The following PLXDC2 variants were observed in gnomAD, a reference collection of about 807,000 sequenced individuals.
PLXDC2 encodes the protein plexin domain-containing protein 2.
PLXDC2 carries 40 observed loss-of-function variants against 68.9 expected under a neutral mutation model. The ratio of observed to expected loss-of-function variants is 0.58; its 90% CI spans 0.45 to 0.76. The LOEUF is 0.76. PLXDC2 is among the 30% of genes least tolerant of loss of function. PLXDC2 has a pLI of 0.00. For missense variants in PLXDC2, 644 were observed against 661.9 expected, an observed-to-expected ratio of 0.97 and a Z score of 0.30; for synonymous variants, 243 against 234.2, an observed-to-expected ratio of 1.04 and a Z score of -0.34.
chr10:20,245,844 A>T (rs1327253788), intron 13 of PLXDC2, among the ~76,000 whole-genome samples: 1 of 152,184 alleles, frequency 6.6e-6, no homozygotes, highest in African/African-American at 2.4e-5. Context: ...AATACTACGT[A>T]TCTGGGGGGC....
In PLXDC2 at chr10:20,053,603, G is replaced by A. The variant is rs113130379; in HGVS notation, c.471+6588G>A. 1.3e-3 allele frequency among the ~76,000 whole-genome samples: 198 copies of A among 152,006 alleles called. 1 individual carries two copies. The highest frequency in any genetic ancestry group is 4.4e-3 in the African/African-American group (183 of 41,472). On this transcript the variant is annotated intron_variant, in intron 3 of 13. Transcript: ENST00000377252. ...TTGTGATTTTCCTCTATATTTCTACGTCCATGTTATTTAATTTATTTCTGG... is the reference window on the plus strand; with the variant it reads ...TTGTGATTTTCCTCTATATTTCTACATCCATGTTATTTAATTTATTTCTGG...
chr10:19,878,111 A>G (rs1232499660), intron 1 of PLXDC2, among the ~76,000 whole-genome samples: 1 of 152,226 alleles, frequency 6.6e-6, no homozygotes, highest in Non-Finnish European at 1.5e-5. Flanking sequence ...CTATAAATGT[A>G]CTTTTTACAA....
In PLXDC2 at chr10:20,081,493, A is replaced by G. The variant is rs1250026292; in HGVS notation, c.541+13254A>G. ...ATAATAAAAGTTGTAACCTCCATGTACTTAATTGGAATATCAGAAGAGAAG... is the reference window on the plus strand; with the variant it reads ...ATAATAAAAGTTGTAACCTCCATGTGCTTAATTGGAATATCAGAAGAGAAG... On this transcript the variant is annotated intron_variant, in intron 4 of 13. Transcript: ENST00000377252. 3.3e-5 allele frequency among the ~76,000 whole-genome samples: 5 copies of G among 152,188 alleles called. No homozygotes were observed. In the East Asian group the frequency reaches 7.7e-4, roughly 23 times the overall value.
chr10:20,123,369 C>A (rs1413741791), intron 4 of PLXDC2, among the ~76,000 whole-genome samples: 2 of 152,008 alleles, frequency 1.3e-5, no homozygotes, highest in South Asian at 2.1e-4. Flanking sequence ...TAGAGAGGGA[C>A]CGATGTGTAA....
At chr10:19,851,182 C>T (rs1484023030) in intron 1 of PLXDC2, among the ~76,000 whole-genome samples, 2 of 152,162 alleles carry the variant, frequency 1.3e-5, no homozygotes, top group Non-Finnish European at 2.9e-5. Context: ...GGTCAAATCT[C>T]AGGAAGATTG....
intron 12 of PLXDC2, among the ~76,000 whole-genome samples, chr10:20,225,641 C>T (rs993327973): frequency 6.6e-6 from 1 of 152,102 alleles, no homozygotes; most frequent in African/African-American, 2.4e-5. Context: ...GATTTCTCTC[C>T]CAAACTTTTA....
intron 1 of PLXDC2, among the ~76,000 whole-genome samples, chr10:19,875,907 G>A (rs1231895966): frequency 6.6e-6 from 1 of 152,034 alleles, no homozygotes; most frequent in African/African-American, 2.4e-5. Context: ...TTGACATGTT[G>A]ATTTTTTTGA....
Position 20,047,389 on chromosome 10 carries a change from C to T in PLXDC2, c.471+374C>T, listed in dbSNP as rs984300521. ...CTTGAATTTGGTATCTTCCCATTTA[C>T]ATGGGTTTATTGCTGTTGGTCTTGG... is the stretch of plus-strand genomic sequence containing the variant. On this transcript the variant is annotated intron_variant, in intron 3 of 13. Transcript: ENST00000377252. 7.2e-5 allele frequency among the ~76,000 whole-genome samples: 11 copies of T among 152,220 alleles called. No homozygotes were observed. In the South Asian group the frequency reaches 2.3e-3, roughly 32 times the overall value.
chr10:20,141,853 A>G (rs1172352810), intron 4 of PLXDC2, among the ~76,000 whole-genome samples: 2 of 152,074 alleles, frequency 1.3e-5, no homozygotes, highest in Non-Finnish European at 2.9e-5. Flanking sequence ...AGCATCAGGT[A>G]TTTGTTTTGA....
intron 1 of PLXDC2, among the ~76,000 whole-genome samples, chr10:19,865,328 T>C (rs1461228738): frequency 1.3e-5 from 2 of 152,188 alleles, no homozygotes; most frequent in African/African-American, 4.8e-5. Context: ...GCTTAAGAGT[T>C]CAGAACACTG....
chr10:20,098,658 C>G (rs1833383911), intron 4 of PLXDC2, among the ~76,000 whole-genome samples: 1 of 152,178 alleles, frequency 6.6e-6, no homozygotes, highest in Non-Finnish European at 1.5e-5. Flanking sequence ...CCAATAGCAT[C>G]CTGATATTGT....
chr10:19,835,606 T>C (rs1307555865), intron 1 of PLXDC2, among the ~76,000 whole-genome samples: 3 of 152,062 alleles, frequency 2.0e-5, no homozygotes, highest in Non-Finnish European at 4.4e-5. Context: ...TGAGCAGGAA[T>C]AATCAGAGAA....
At chr10:19,967,425 T>G (rs938612770) in intron 1 of PLXDC2, among the ~76,000 whole-genome samples, 20 of 152,130 alleles carry the variant, frequency 1.3e-4, no homozygotes, top group Non-Finnish European at 2.2e-4. Flanking sequence ...CAAAATGGCC[T>G]CAAAACACAG....
At chr10:19,885,835 A>G (rs1363409136) in intron 1 of PLXDC2, among the ~76,000 whole-genome samples, 24 of 152,056 alleles carry the variant, frequency 1.6e-4, no homozygotes, top group African/African-American at 2.9e-4. Flanking sequence ...TTGGCGATGC[A>G]GGCTCTTTTT....
At chr10:19,922,598 G>A (rs1833478297) in intron 1 of PLXDC2, among the ~76,000 whole-genome samples, 1 of 152,172 alleles carries the variant, frequency 6.6e-6, no homozygotes, top group South Asian at 2.1e-4. Flanking sequence ...ACTCAGTACA[G>A]TTTTGAATAG....
chr10:19,878,557 G>A (rs1258080453), intron 1 of PLXDC2, among the ~76,000 whole-genome samples: 2 of 152,130 alleles, frequency 1.3e-5, no homozygotes, highest in African/African-American at 4.8e-5. Context: ...GATAACTATA[G>A]TAGTCAATTC....
At chr10:19,989,414 T>G (rs992276563) in intron 1 of PLXDC2, among the ~76,000 whole-genome samples, 6 of 152,160 alleles carry the variant, frequency 3.9e-5, no homozygotes, top group Non-Finnish European at 7.3e-5. Flanking sequence ...AATTCAGTAA[T>G]AGTTTATGGT....
intron 7 of PLXDC2, among the ~76,000 whole-genome samples, chr10:20,173,297 C>A (rs1341560946): frequency 6.6e-6 from 1 of 152,154 alleles, no homozygotes; most frequent in African/African-American, 2.4e-5. Context: ...ATTCATTTGA[C>A]AATTCAGACA....
intron 9 of PLXDC2, among the ~76,000 whole-genome samples, chr10:20,193,236 C>T (rs754459058): frequency 6.6e-6 from 1 of 152,008 alleles, no homozygotes; most frequent in Non-Finnish European, 1.5e-5. Context: ...CCAGAATATT[C>T]ACCGTATCTG....
Sources: gnomAD v4.1 joint callset for allele counts (sites outside exome capture counted in the v4.1 genomes callset) on GRCh38, gnomAD v4.1.1 for gene constraint, MANE v1.5 for transcripts, NCBI Gene and HGNC (gene_info 2026-07-23, HGNC 2026-07-21) for gene names.